The following KIAA1549L variants were observed in gnomAD, a reference collection of about 807,000 sequenced individuals.
The protein encoded by KIAA1549L is UPF0606 protein KIAA1549L.
KIAA1549L carries 88 observed loss-of-function variants against 160.7 expected under a neutral mutation model. The ratio of observed to expected loss-of-function variants is 0.55; its 90% CI spans 0.46 to 0.65. The LOEUF (loss-of-function observed/expected upper bound fraction) is 0.65. Ranked by LOEUF, KIAA1549L falls within the 30% of genes least tolerant of loss-of-function variation. The pLI is 0.00. For missense variants in KIAA1549L, 2,258 were observed against 2,437.5 expected (o/e 0.93, Z 1.55); for synonymous variants, 950 against 976.7 (o/e 0.97, Z 0.51).
chr11:33,534,594 T>TA (rs898479481), intron 1 of KIAA1549L, among the ~76,000 whole-genome samples: 7 of 152,120 alleles, frequency 4.6e-5, no homozygotes, highest in African/African-American at 1.7e-4. Flanking sequence ...AAAATGGAAT[T>TA]AAAAAATAAG....
Position 33,551,142 on chromosome 11 carries a change from T to C in KIAA1549L, c.3604T>C (p.Tyr1202His). The change falls in exon 5 of 21, where the codon TAT becomes CAT. Residue 1202 changes from tyrosine to histidine, a missense_variant. Coordinates refer to ENST00000658780, the MANE Select transcript of KIAA1549L (RefSeq NM_012194.3). Reference protein sequence around the residue: ...PAVVIEMLGVYGVSNVTADLK... With the variant: ...PAVVIEMLGVHGVSNVTADLK... ...TGTGGTGATCGAAATGCTGGGTGTGTATGGAGTCAGCAACGTCACTGCAGA... is the reference window on the plus strand; with the variant it reads ...TGTGGTGATCGAAATGCTGGGTGTGCATGGAGTCAGCAACGTCACTGCAGA... The C allele has an allele frequency of 1.2e-6, 2 of 1,614,000 alleles. No homozygotes were observed. The highest frequency in any genetic ancestry group is 1.7e-6 in the Non-Finnish European group (2 of 1,179,874).
chr11:33,548,924 A>G (rs1854359697), intron 4 of KIAA1549L, among the ~76,000 whole-genome samples: 4 of 152,196 alleles, frequency 2.6e-5, no homozygotes, highest in South Asian at 2.1e-4. Context: ...TTTATTGATC[A>G]TTGTCGATCT....
chr11:33,404,673 A>G (rs965200803), intron 1 of KIAA1549L, among the ~76,000 whole-genome samples: 2 of 152,162 alleles, frequency 1.3e-5, no homozygotes, highest in South Asian at 2.1e-4. Context: ...AACAAAAACT[A>G]TATAAGGTGT....
chr11:33,577,974 G>A (rs1252073013), intron 10 of KIAA1549L, among the ~76,000 whole-genome samples: 1 of 152,078 alleles, frequency 6.6e-6, no homozygotes, highest in Non-Finnish European at 1.5e-5. Flanking sequence ...GTTCTATGAT[G>A]GTCACTGTCT....
intron 1 of KIAA1549L, among the ~76,000 whole-genome samples, chr11:33,471,233 T>G (rs570625770): frequency 6.7e-6 from 1 of 149,206 alleles, no homozygotes; most frequent in East Asian, 1.9e-4. Context: ...TTTTTTTTTT[T>G]CAACATTCTC....
At chr11:33,605,081 C>T (rs1398727348) in intron 13 of KIAA1549L, among the ~76,000 whole-genome samples, 2 of 152,152 alleles carry the variant, frequency 1.3e-5, no homozygotes, top group African/African-American at 4.8e-5. Context: ...GCTTCAAGGT[C>T]CTCAGAATGT....
chr11:33,519,538 T>C (rs1246760932), intron 1 of KIAA1549L, among the ~76,000 whole-genome samples: 5 of 152,212 alleles, frequency 3.3e-5, no homozygotes, highest in African/African-American at 1.2e-4. Context: ...TAACAATTAC[T>C]TCAGGGTAGG....
At position 33,656,070 on chromosome 11, in the gene KIAA1549L, C is replaced by T; in HGVS notation, c.5819C>T (p.Pro1940Leu). The T allele has an allele frequency of 6.2e-7, 1 of 1,613,880 alleles. No homozygotes were observed. The highest frequency in any genetic ancestry group is 8.5e-7 in the Non-Finnish European group (1 of 1,179,782). ...ATGGGCTCACCGCCTCCACCCGTAC[C>T]TCCCCGGACTGGTCCTGTGGCTGTC... Reference protein sequence around the residue: ...MVMGSPPPPVPPRTGPVAVAS... With the variant: ...MVMGSPPPPVLPRTGPVAVAS... The change falls in exon 18 of 21, where the codon CCT (proline) becomes CTT (leucine). Residue 1940 changes from proline to leucine, a missense_variant. Pro to Leu is a moderately conservative substitution (Grantham distance 98). Around this residue, in one of 6 missense-constraint regions of KIAA1549L, gnomAD observed 1,359 missense variants for 1,546.6 expected, o/e 0.88. Coordinates refer to ENST00000658780, the MANE Select transcript of KIAA1549L (RefSeq NM_012194.3).
intron 20 of KIAA1549L, among the ~76,000 whole-genome samples, chr11:33,666,928 T>A (rs900247185): frequency 6.6e-6 from 1 of 152,196 alleles, no homozygotes; most frequent in Non-Finnish European, 1.5e-5. Flanking sequence ...AATGAGATAA[T>A]GTGTGGAAAA....
At chr11:33,418,608 T>C (rs1415408596) in intron 1 of KIAA1549L, among the ~76,000 whole-genome samples, 2 of 152,198 alleles carry the variant, frequency 1.3e-5, no homozygotes. Flanking sequence ...ATTTATTCCT[T>C]ACATATAGGC....
chr11:33,635,469 G>A (rs915109854), intron 16 of KIAA1549L, among the ~76,000 whole-genome samples: 15 of 152,290 alleles, frequency 9.8e-5, no homozygotes, highest in African/African-American at 3.6e-4. Flanking sequence ...TCTGGGCTTT[G>A]GGGCAGGGTT....
chr11:33,436,383 C>T (rs1211061779), intron 1 of KIAA1549L, among the ~76,000 whole-genome samples: 1 of 152,224 alleles, frequency 6.6e-6, no homozygotes, highest in Non-Finnish European at 1.5e-5. Flanking sequence ...AGGCAAGAGA[C>T]TACTGTCCCA....
At position 33,574,750 on chromosome 11, in the gene KIAA1549L, A is replaced by C. The variant is rs748909439; in HGVS notation, c.4279A>C (p.Thr1427Pro). 6.2e-7 allele frequency: 1 copy of C among 1,613,884 alleles called. No homozygotes were observed. The highest frequency in any genetic ancestry group is 8.5e-7 in the Non-Finnish European group (1 of 1,179,804). The change falls in exon 10 of 21, where the codon ACT becomes CCT. Residue 1427 changes from threonine to proline, a missense_variant. Coordinates refer to ENST00000658780, the MANE Select transcript of KIAA1549L (RefSeq NM_012194.3). ...AGGCCCGAAGGACCCAGCGGAGCTG[A>C]CTTACTATACCCTGTACAACGGGAA... is the stretch of plus-strand genomic sequence containing the variant. The part of the protein sequence containing the change: ...VPGPKDPAEL[T>P]YYTLYNGKPL...
rs1390284619 is a variant in KIAA1549L, at chr11:33,628,323, C to G, written c.5409+9661C>G. Among the ~76,000 whole-genome samples, 10 of 151,858 alleles carry G rather than the reference C, an allele frequency of 6.6e-5. No individual in the cohort carries two copies. The East Asian group carries it at 1.7e-3, about 26-fold the overall frequency. ...GGTCCGCTTGGTGCAGAGCTGAGTT[C>G]AATTCCTGGATATCCTTGTTGACTT... On this transcript the variant is annotated intron_variant, in intron 16 of 20. Transcript: ENST00000658780.
chr11:33,428,291 G>A (rs1244977401), intron 1 of KIAA1549L, among the ~76,000 whole-genome samples: 2 of 152,056 alleles, frequency 1.3e-5, no homozygotes, highest in African/African-American at 2.4e-5. Flanking sequence ...CTTTGTCAAC[G>A]TTTATAATTT....
rs1452981202 is a variant in KIAA1549L, at chr11:33,583,492, G to A, written c.4557G>A (p.Gln1519=). 5 of 1,574,720 alleles carry A rather than the reference G, an allele frequency of 3.2e-6. No individual in the cohort carries two copies. In the South Asian group the frequency reaches 5.8e-5, roughly 18 times the overall value. The change falls in exon 11 of 21, where the codon CAG becomes CAA. Residue 1519 remains glutamine, a synonymous_variant. Coordinates refer to ENST00000658780, the MANE Select transcript of KIAA1549L (RefSeq NM_012194.3). ...CTGACACCATGATAAACCTGCCGCA[G>A]AGAGCAAAGGTATATGGAAGTGGTG... ...FKPDTMINLP[Q]RAKPVQGFDY...
At chr11:33,404,013 G>C (rs1354798618) in intron 1 of KIAA1549L, among the ~76,000 whole-genome samples, 1 of 152,162 alleles carries the variant, frequency 6.6e-6, no homozygotes, top group Non-Finnish European at 1.5e-5. Context: ...AGGTCACCAG[G>C]TTCATGCACC....
At chr11:33,606,596 A>G in intron 13 of KIAA1549L, 45 bp from the exon 14 acceptor site, 1 of 1,583,026 alleles carries the variant, frequency 6.3e-7, no homozygotes. Flanking sequence ...GGGATCACAC[A>G]GCTCCCCAAC....
intron 1 of KIAA1549L, among the ~76,000 whole-genome samples, chr11:33,438,722 A>G (rs1851430213): frequency 6.6e-6 from 1 of 152,204 alleles, no homozygotes; most frequent in South Asian, 2.1e-4. Context: ...AGTTCCAAAG[A>G]TCAAGGTATA....
Sources: allele counts gnomAD v4.1 joint callset (sites outside exome capture counted in the v4.1 genomes callset), GRCh38; gene constraint gnomAD v4.1.1; regional missense constraint gnomAD v4.1.1; transcripts MANE v1.5; gene names NCBI Gene and HGNC (gene_info 2026-07-23, HGNC 2026-07-21).